The following ITSN2 variants were observed in gnomAD, a reference collection of about 807,000 sequenced individuals.
The protein encoded by ITSN2 is intersectin-2.
Under a neutral mutation model 243.7 loss-of-function variants are expected in ITSN2, and 156 were observed. That is an observed-to-expected ratio of 0.64 (90% CI 0.56 to 0.73). The LOEUF is 0.73. Ranked by LOEUF, ITSN2 falls within the 30% of genes least tolerant of loss-of-function variation. The pLI, the probability that ITSN2 is intolerant of heterozygous loss-of-function variation, is 0.00. For missense variants in ITSN2, 1,801 were observed against 1,996.1 expected (o/e 0.90, Z 1.86); for synonymous variants, 703 against 699.9 (o/e 1.00, Z -0.07).
intron 33 of ITSN2, among the ~76,000 whole-genome samples, chr2:24,212,312 A>C (rs1394892661): frequency 6.6e-6 from 1 of 152,208 alleles, no homozygotes; most frequent in African/African-American, 2.4e-5. Context: ...TCTGGGTTCA[A>C]GATGGGCTCC....
chr2:24,281,518 C>T (rs1013074390), intron 17 of ITSN2, among the ~76,000 whole-genome samples: 1 of 152,218 alleles, frequency 6.6e-6, no homozygotes, highest in African/African-American at 2.4e-5. Flanking sequence ...TCTATTAAAA[C>T]CTCAAACCTG....
chr2:24,303,089 ATC>A (rs1681998582), intron 9 of ITSN2, among the ~76,000 whole-genome samples: 1 of 152,102 alleles, frequency 6.6e-6, no homozygotes. Flanking sequence ...AACAATAAAC[ATC>A]TGTTAATATA....
At chr2:24,240,336 G>A (rs1672583068) in intron 29 of ITSN2, 1 of 152,276 alleles carries the variant, frequency 6.6e-6, no homozygotes. Context: ...AGTGAATGCA[G>A]GCAAATCTGT....
At chr2:24,331,392 C>G (rs2151857226) in intron 1 of ITSN2, among the ~76,000 whole-genome samples, 1 of 150,552 alleles carries the variant, frequency 6.6e-6, no homozygotes, top group South Asian at 2.1e-4. Context: ...TTTTTTTAAG[C>G]TATGTTGTTA....
intron 32 of ITSN2, 152 bp from the exon 33 acceptor site, chr2:24,212,900 AT>A: frequency 1.5e-6 from 1 of 645,848 alleles, no homozygotes; most frequent in Non-Finnish European, 2.7e-6. Context: ...TGAGTGTTCT[AT>A]TTTTTATTTT....
At chr2:24,275,879 G>A (rs759179187) in intron 17 of ITSN2, 30 bp from the exon 18 acceptor site, 15 of 1,534,418 alleles carry the variant, frequency 9.8e-6, no homozygotes, top group African/African-American at 2.8e-5. Context: ...AAGTCAATAC[G>A]TGAATGATTT....
intron 29 of ITSN2, among the ~76,000 whole-genome samples, chr2:24,236,885 C>G (rs1672229797): frequency 6.8e-6 from 1 of 147,872 alleles, no homozygotes; most frequent in Admixed American, 6.8e-5. Flanking sequence ...TTTGTAGAGA[C>G]AGGTTTCACC....
In ITSN2 at chr2:24,312,247, G is replaced by C; in HGVS notation, c.317C>G (p.Pro106Arg). 1 of 1,612,300 alleles carries C rather than the reference G, an allele frequency of 6.2e-7. No homozygotes were observed. Among genetic ancestry groups the C allele is most frequent in the Non-Finnish European group, 8.5e-7 (1 of 1,179,006 alleles). Residue 106 changes from proline to arginine, a missense_variant, in exon 5 of 40, where the codon CCC (proline) becomes CGC (arginine). Coordinates refer to ENST00000355123, the MANE Select transcript of ITSN2 (RefSeq NM_006277.3). ...PVVLPPIMKQ[P>R]PMFSPLISAR... is the part of the protein sequence containing the mutation. ...AGAAATTAATGGAGAAAACATAGGGGGTTGCTTCATAATAGGAGGGAGAAC... is the reference window on the plus strand; with the variant it reads ...AGAAATTAATGGAGAAAACATAGGGCGTTGCTTCATAATAGGAGGGAGAAC...
Position 24,210,961 on chromosome 2 carries a change from G to C in ITSN2, c.4090-14C>G. On this transcript the variant is annotated splice_polypyrimidine_tract_variant and intron_variant, in intron 33 of 39. Coordinates refer to ENST00000355123, the MANE Select transcript of ITSN2 (RefSeq NM_006277.3). Reference sequence around the variant, plus strand: ...GTTCTCCAGAATCTGGAAAAGAGTGGGCAGTGTCACATGGGGGAGCTGCGT... The same window carrying C: ...GTTCTCCAGAATCTGGAAAAGAGTGCGCAGTGTCACATGGGGGAGCTGCGT... 2 of 1,613,454 alleles carry C rather than the reference G, an allele frequency of 1.2e-6. No homozygotes were observed. The highest frequency in any genetic ancestry group is 1.7e-6 in the Non-Finnish European group (2 of 1,179,484).
At chr2:24,322,415 T>C (rs1486211521) in intron 2 of ITSN2, among the ~76,000 whole-genome samples, 1 of 152,204 alleles carries the variant, frequency 6.6e-6, no homozygotes, top group African/African-American at 2.4e-5. Context: ...GTCTTGTTGG[T>C]AATTAAACAT....
intron 3 of ITSN2, among the ~76,000 whole-genome samples, chr2:24,314,811 T>C (rs1374930136): frequency 3.3e-5 from 5 of 152,124 alleles, no homozygotes; most frequent in Non-Finnish European, 7.3e-5. Flanking sequence ...AAAAAAAGTC[T>C]AGATTTTCCA....
chr2:24,304,224 G>A (rs1391684315), intron 8 of ITSN2, among the ~76,000 whole-genome samples: 8 of 152,312 alleles, frequency 5.3e-5, no homozygotes, highest in Non-Finnish European at 8.8e-5. Context: ...CCACTCCTAC[G>A]TGACTGAGCC....
At chr2:24,353,191 C>T (rs1035151613) in intron 1 of ITSN2, among the ~76,000 whole-genome samples, 12 of 152,084 alleles carry the variant, frequency 7.9e-5, no homozygotes, top group African/African-American at 2.9e-4. Context: ...TTTTAATGTA[C>T]ATAGGGCTAT....
intron 1 of ITSN2, among the ~76,000 whole-genome samples, chr2:24,328,431 T>TA (rs1319513215): frequency 2.6e-5 from 4 of 151,962 alleles, no homozygotes; most frequent in African/African-American, 9.7e-5. Flanking sequence ...ATCAACTGTA[T>TA]AAATTAAGTA....
At chr2:24,217,001 G>T (rs1395341900) in intron 31 of ITSN2, among the ~76,000 whole-genome samples, 1 of 151,862 alleles carries the variant, frequency 6.6e-6, no homozygotes, top group Non-Finnish European at 1.5e-5. Flanking sequence ...GGAGAATGGC[G>T]TGAACCCGGG....
At chr2:24,285,134 A>T (rs1202819655) in intron 16 of ITSN2, among the ~76,000 whole-genome samples, 1 of 151,990 alleles carries the variant, frequency 6.6e-6, no homozygotes, top group Non-Finnish European at 1.5e-5. Flanking sequence ...TGACCTCGTG[A>T]TCCGCCCGCC....
chr2:24,307,988 A>G (rs1682771966), intron 8 of ITSN2, among the ~76,000 whole-genome samples: 1 of 152,068 alleles, frequency 6.6e-6, no homozygotes, highest in Non-Finnish European at 1.5e-5. Flanking sequence ...CACTTATTTT[A>G]CTCGGTCCTA....
In ITSN2 at chr2:24,248,761, AAAG is replaced by A. The variant is rs768239263; in HGVS notation, c.3167-14_3167-12del. 2.5e-6 allele frequency: 4 copies of A among 1,613,134 alleles called. No homozygotes were observed. The highest frequency in any genetic ancestry group is 1.3e-5 in the African/African-American group (1 of 74,942). On this transcript the variant is annotated splice_polypyrimidine_tract_variant and intron_variant, in intron 26 of 39. Coordinates refer to ENST00000355123, the MANE Select transcript of ITSN2 (RefSeq NM_006277.3). ...TTACCTGAGCAATCTCTGAAAAGAC[AAAG>A]AAGAAACTATGAATTCAAGATTGCG...
At chr2:24,319,073 CACA>C (rs1371951019) in intron 2 of ITSN2, among the ~76,000 whole-genome samples, 1 of 152,180 alleles carries the variant, frequency 6.6e-6, no homozygotes, top group African/African-American at 2.4e-5. Context: ...ACCACCCTAC[CACA>C]AATCTGTGGA....
Sources: allele counts gnomAD v4.1 joint callset (sites outside exome capture counted in the v4.1 genomes callset), GRCh38; gene constraint gnomAD v4.1.1; transcripts MANE v1.5; gene names NCBI Gene and HGNC (gene_info 2026-07-23, HGNC 2026-07-21).